Variants in LONP2 observed in about 807,000 individuals in gnomAD.
LONP2 encodes the protein lon protease homolog 2, peroxisomal.
Under a neutral mutation model 85.6 loss-of-function variants are expected in LONP2, and 60 were observed. That is an observed-to-expected ratio of 0.70 (90% CI 0.57 to 0.87). LONP2 has a LOEUF of 0.87. Ranked by LOEUF, LONP2 falls within the 40% of genes least tolerant of loss-of-function variation. LONP2 has a pLI of 0.00. For missense variants in LONP2, 860 were observed against 1,063.5 expected (o/e 0.81, Z 2.66); for synonymous variants, 395 against 389.7 (o/e 1.01, Z -0.16).
chr16:48,277,374 C>T lies in LONP2; in HGVS notation c.1278C>T (p.Ile426=). Residue 426 remains isoleucine, a synonymous_variant, in exon 8 of 15, where the codon ATC becomes ATT. Coordinates refer to ENST00000285737, the MANE Select transcript of LONP2 (RefSeq NM_031490.5). ...TTGGCAGCATGCCTGGTCGCATCAT[C>T]AACGGCTTGAAGACTGTGGGAGTGA... is the stretch of plus-strand genomic sequence containing the variant. ...TYVGSMPGRI[I]NGLKTVGVNN... is the part of the protein sequence containing the mutation. The T allele has an allele frequency of 6.2e-7, 1 of 1,613,576 alleles. No individual in the cohort carries two copies. The highest frequency in any genetic ancestry group is 8.5e-7 in the Non-Finnish European group (1 of 1,179,742).
At chr16:48,304,219 C>T (rs916254154) in intron 11 of LONP2, among the ~76,000 whole-genome samples, 4 of 152,182 alleles carry the variant, frequency 2.6e-5, no homozygotes, top group Non-Finnish European at 5.9e-5. Flanking sequence ...ATAAGACAAT[C>T]CATGCTGTTC....
intron 7 of LONP2, among the ~76,000 whole-genome samples, chr16:48,272,779 TG>T (rs1972131500): frequency 6.6e-6 from 1 of 152,160 alleles, no homozygotes; most frequent in African/African-American, 2.4e-5. Context: ...CTTGTGCTGT[TG>T]GGGACATATT....
chr16:48,270,101 C>T lies in LONP2; in HGVS notation c.1068C>T (p.Tyr356=), dbSNP rs1317683098. The T allele has an allele frequency of 1.2e-6, 2 of 1,614,004 alleles. No individual in the cohort carries two copies. Among genetic ancestry groups the T allele is most frequent in the Non-Finnish European group, 1.7e-6 (2 of 1,179,954 alleles). The change falls in exon 7 of 15, where the codon TAC becomes TAT. Residue 356 remains tyrosine (Y), a synonymous_variant. Transcript: ENST00000285737. The stretch of plus-strand genomic sequence containing the variant: ...AATTGAAGAAAAGAGTACTGGAATA[C>T]TTGGCTGTCAGACAGCTCAAAAATA... The part of the protein sequence containing the change: ...MEKLKKRVLE[Y]LAVRQLKNNL...
At chr16:48,249,144 A>C (rs995578511) in intron 1 of LONP2, among the ~76,000 whole-genome samples, 1 of 152,204 alleles carries the variant, frequency 6.6e-6, no homozygotes, top group African/African-American at 2.4e-5. Context: ...GATTCGAGTT[A>C]GGATTTGGAT....
chr16:48,308,075 C>T (rs1972949260), intron 11 of LONP2, among the ~76,000 whole-genome samples: 1 of 152,152 alleles, frequency 6.6e-6, no homozygotes, highest in African/African-American at 2.4e-5. Context: ...CCAGTAGGTC[C>T]CTCCTCCAAC....
At chr16:48,327,493 T>C (rs939279657) in intron 11 of LONP2, among the ~76,000 whole-genome samples, 7 of 152,324 alleles carry the variant, frequency 4.6e-5, no homozygotes, top group African/African-American at 1.4e-4. Flanking sequence ...AATCTCACGT[T>C]GTCGCCCAGG....
intron 11 of LONP2, among the ~76,000 whole-genome samples, chr16:48,315,012 A>G (rs908946233): frequency 2.0e-5 from 3 of 152,228 alleles, no homozygotes; most frequent in African/African-American, 7.2e-5. Context: ...TATGTTGTCT[A>G]GGACCTCCTG....
intron 8 of LONP2, among the ~76,000 whole-genome samples, chr16:48,287,240 GATGA>G (rs1444014395): frequency 2.0e-5 from 3 of 152,244 alleles, no homozygotes; most frequent in Admixed American, 6.5e-5. Context: ...GTCTGCCAAA[GATGA>G]GCTTATAGGG....
rs1353075353 is a variant in LONP2 at position 48,252,147 on chromosome 16, C to T, written c.250C>T (p.Leu84=). 6.3e-7 allele frequency: 1 copy of T among 1,595,540 alleles called. No homozygotes were observed. The highest frequency in any genetic ancestry group is 8.6e-7 in the Non-Finnish European group (1 of 1,167,690). The change falls in exon 2 of 15, where the codon CTG becomes TTG. Residue 84 remains leucine, a synonymous_variant. Coordinates refer to ENST00000285737, the MANE Select transcript of LONP2 (RefSeq NM_031490.5). ...PPLHRIGTAA[L]AVQVVGSNWP... is the part of the protein sequence containing the mutation. Reference sequence around the variant, plus strand: ...GTTTTTCAGGATTGGCACAGCTGCACTGGCCGTTCAGGTTGTGGGCAGTAA... The same window carrying T: ...GTTTTTCAGGATTGGCACAGCTGCATTGGCCGTTCAGGTTGTGGGCAGTAA...
intron 9 of LONP2, among the ~76,000 whole-genome samples, chr16:48,297,352 C>A (rs937523539): frequency 6.6e-6 from 1 of 151,876 alleles, no homozygotes; most frequent in East Asian, 1.9e-4. Flanking sequence ...ACTCTGTCAC[C>A]CAGGCTGGAA....
At chr16:48,333,469 T>G (rs1406667432) in intron 11 of LONP2, among the ~76,000 whole-genome samples, 1 of 152,190 alleles carries the variant, frequency 6.6e-6, no homozygotes, top group Admixed American at 6.5e-5. Flanking sequence ...ACTGCTTATA[T>G]GGGTTCTATC....
intron 6 of LONP2, among the ~76,000 whole-genome samples, chr16:48,266,861 T>G (rs1285506143): frequency 6.6e-6 from 1 of 151,962 alleles, no homozygotes; most frequent in Non-Finnish European, 1.5e-5. Flanking sequence ...GAGACCAAAG[T>G]GGACAGATCA....
At chr16:48,358,465 T>A (rs891607212), downstream of LONP2, among the ~76,000 whole-genome samples, 1 of 152,210 alleles carries the variant, frequency 6.6e-6, no homozygotes, top group African/African-American at 2.4e-5. Flanking sequence ...AACACTCAGA[T>A]GACCATGTTG....
chr16:48,334,266 A>T lies in LONP2; in HGVS notation c.1846A>T (p.Thr616Ser), dbSNP rs758484005. The change falls in exon 12 of 15, where the codon ACT (threonine) becomes TCT (serine). Residue 616 changes from threonine to serine, a missense_variant. By Grantham distance (58) the Thr-to-Ser change is moderately conservative. Coordinates refer to ENST00000285737, the MANE Select transcript of LONP2 (RefSeq NM_031490.5). ...TGAAAAACCTGAATCTATCAGTGAC[A>T]CTACTGACTTGGCTCTACCACCTGA... ...EDEKPESISDTTDLALPPEMP... is the reference protein window; with the variant it reads ...EDEKPESISDSTDLALPPEMP... The T allele has an allele frequency of 6.2e-7, 1 of 1,613,950 alleles. No individual in the cohort carries two copies. The highest frequency in any genetic ancestry group is 8.5e-7 in the Non-Finnish European group (1 of 1,179,784).
intron 4 of LONP2, among the ~76,000 whole-genome samples, chr16:48,259,604 A>G (rs1282329739): frequency 5.3e-5 from 8 of 152,224 alleles, no homozygotes; most frequent in Non-Finnish European, 7.3e-5. Flanking sequence ...TCAGCGCAGA[A>G]GTCTTGTCAT....
At chr16:48,267,804 T>C (rs1167144680) in intron 6 of LONP2, among the ~76,000 whole-genome samples, 4 of 150,334 alleles carry the variant, frequency 2.7e-5, no homozygotes. Flanking sequence ...TTAGTAGAGA[T>C]GGGGTTTCAC....
intron 11 of LONP2, among the ~76,000 whole-genome samples, chr16:48,324,543 A>G (rs1973330587): frequency 6.6e-6 from 1 of 152,250 alleles, no homozygotes; most frequent in African/African-American, 2.4e-5. Flanking sequence ...TTCACTGATT[A>G]AAAATATTTG....
chr16:48,281,370 T>C (rs1359845936), intron 8 of LONP2, among the ~76,000 whole-genome samples: 1 of 152,166 alleles, frequency 6.6e-6, no homozygotes, highest in East Asian at 1.9e-4. Context: ...TTAGATGATC[T>C]CTTTTGAAAA....
intron 12 of LONP2, 125 bp from the exon 13 acceptor site, chr16:48,347,382 T>G: frequency 1.2e-6 from 1 of 824,874 alleles, no homozygotes; most frequent in Non-Finnish European, 2.0e-6. Flanking sequence ...TCATGTTAGG[T>G]AACAAGGACT....
Sources: gnomAD v4.1 joint callset for allele counts (sites outside exome capture counted in the v4.1 genomes callset) on GRCh38, gnomAD v4.1.1 for gene constraint, MANE v1.5 for transcripts, NCBI Gene and HGNC (gene_info 2026-07-23, HGNC 2026-07-21) for gene names.